Variants in EIF2B3 observed in about 807,000 individuals in gnomAD.
The protein encoded by EIF2B3 is eukaryotic translation initiation factor 2B subunit gamma, also known as translation initiation factor eIF2B subunit gamma.
EIF2B3 carries 20 observed loss-of-function variants against 54.1 expected under a neutral mutation model. That is an observed-to-expected ratio of 0.37 (90% CI 0.26 to 0.54). The LOEUF is 0.54. Ranked by LOEUF, EIF2B3 falls within the 20% of genes least tolerant of loss-of-function variation. The probability of loss-of-function intolerance (pLI) is 0.86; values close to 1 mark genes in which losing one functional copy is unlikely to be tolerated. For synonymous variants in EIF2B3, 153 were observed against 188.1 expected, an observed-to-expected ratio of 0.81 and a Z score of 1.52; for missense variants, 448 against 547.8, an observed-to-expected ratio of 0.82 and a Z score of 1.82.
At chr1:44,861,921 G>A (rs573503460) in intron 10 of EIF2B3, among the ~76,000 whole-genome samples, 2 of 152,254 alleles carry the variant, frequency 1.3e-5, no homozygotes, top group Admixed American at 1.3e-4. Context: ...CAATAGCAAG[G>A]CTGAGGTACT....
intron 5 of EIF2B3, among the ~76,000 whole-genome samples, chr1:44,906,340 G>C (rs115295661): frequency 0.015 from 2,270 of 152,296 alleles, 64 homozygotes; most frequent in African/African-American, 0.052. Context: ...TCACGGCAAA[G>C]GTTCAGTGAA....
At position 44,877,192 on chromosome 1, in the gene EIF2B3, T is replaced by TTAAAAAAAA. The variant is rs1553169362; in HGVS notation, c.976-1498_976-1497insTTTTTTTTA. ...GCGAGAAACACCCAAGAATGATCAATAAAAAAAAAAAAAAAAAAAAAAAAA... is the reference window on the plus strand; with the variant it reads ...GCGAGAAACACCCAAGAATGATCAATTAAAAAAAAAAAAAAAAAAAAAAAAAAAAAAAAA... On this transcript the variant is annotated intron_variant, in intron 8 of 11. Transcript: ENST00000360403. Among the ~76,000 whole-genome samples, 82 of 52,066 alleles carry TTAAAAAAAA rather than the reference T, an allele frequency of 1.6e-3. 5 individuals carry two copies. Among genetic ancestry groups the TTAAAAAAAA allele is most frequent in the Non-Finnish European group, 1.9e-3 (54 of 28,192 alleles). 34.2% of individuals were successfully genotyped at this position (52,066 alleles called of 152,430 possible).
chr1:44,936,490 C>T (rs1643948643), intron 4 of EIF2B3, among the ~76,000 whole-genome samples: 1 of 151,800 alleles, frequency 6.6e-6, no homozygotes, highest in African/African-American at 2.4e-5. Flanking sequence ...ACTCAGGAGG[C>T]TGAGGCAGGA....
intron 4 of EIF2B3, among the ~76,000 whole-genome samples, chr1:44,939,733 T>A (rs1643999753): frequency 6.6e-6 from 1 of 152,052 alleles, no homozygotes. Context: ...ATATATAAAG[T>A]GTATTAAAAA....
chr1:44,985,095 C>T (rs1329214950), intron 1 of EIF2B3, among the ~76,000 whole-genome samples: 5 of 152,032 alleles, frequency 3.3e-5, no homozygotes, highest in Non-Finnish European at 7.4e-5. Context: ...CGTGAGCCAC[C>T]GCGCCCGGCC....
At chr1:44,970,544 G>A (rs1484725323) in intron 3 of EIF2B3, among the ~76,000 whole-genome samples, 7 of 152,124 alleles carry the variant, frequency 4.6e-5, no homozygotes, top group African/African-American at 1.2e-4. Context: ...GTGGGCACAC[G>A]GGAAGAAAAA....
chr1:44,877,124 A>C (rs557374872), intron 8 of EIF2B3, among the ~76,000 whole-genome samples: 28 of 140,766 alleles, frequency 2.0e-4, no homozygotes, highest in East Asian at 9.2e-4. Flanking sequence ...ATCTGCTGAC[A>C]TTCCCTCCAC....
In EIF2B3 at chr1:44,897,374, C is replaced by T; in HGVS notation, c.637G>A (p.Asp213Asn). ...HLYCLKKYIV[D>N]FLMENGSITS... ...TCTTACCCATTTTCCATTAGGAAAT[C>T]CACGATGTATTTTTTCAAACAGTAG... The change falls in exon 6 of 12, where the codon GAT becomes AAT. Residue 213 changes from aspartate to asparagine, a missense_variant. Asp to Asn is a conservative substitution (Grantham distance 23). Around this residue, in one of 3 missense-constraint regions of EIF2B3, gnomAD observed 350 missense variants for 414.2 expected, o/e 0.85. Coordinates refer to ENST00000360403, the MANE Select transcript of EIF2B3 (RefSeq NM_020365.5). 7 of 1,613,612 alleles carry T rather than the reference C, an allele frequency of 4.3e-6. No individual in the cohort carries two copies. The highest frequency in any genetic ancestry group is 5.9e-6 in the Non-Finnish European group (7 of 1,179,762).
At chr1:44,960,717 G>C (rs1408273898) in intron 3 of EIF2B3, among the ~76,000 whole-genome samples, 1 of 152,034 alleles carries the variant, frequency 6.6e-6, no homozygotes, top group Non-Finnish European at 1.5e-5. Context: ...AAATAATTTA[G>C]AGGTGATTTA....
intron 10 of EIF2B3, 47 bp from the exon 11 acceptor site, chr1:44,857,854 C>T: frequency 6.4e-7 from 1 of 1,570,798 alleles, no homozygotes; most frequent in Non-Finnish European, 8.8e-7. Context: ...CTCGCATCAC[C>T]ATCCTCATTA....
intron 5 of EIF2B3, among the ~76,000 whole-genome samples, chr1:44,917,288 GT>G (rs1326416336): frequency 6.6e-6 from 1 of 152,134 alleles, no homozygotes; most frequent in Non-Finnish European, 1.5e-5. Flanking sequence ...GAGGTCAGGA[GT>G]TTGAGACCAG....
chr1:44,930,583 G>A (rs1643888207), intron 4 of EIF2B3, among the ~76,000 whole-genome samples: 1 of 152,210 alleles, frequency 6.6e-6, no homozygotes, highest in Admixed American at 6.5e-5. Flanking sequence ...CCCCTGGATG[G>A]TAAGAGACTA....
intron 10 of EIF2B3, among the ~76,000 whole-genome samples, chr1:44,870,244 CT>C (rs1442811761): frequency 6.6e-6 from 1 of 151,868 alleles, no homozygotes; most frequent in African/African-American, 2.4e-5. Flanking sequence ...GAGACAAAGA[CT>C]TTATCTCTGG....
At chr1:44,856,923 G>A (rs993330153) in intron 11 of EIF2B3, among the ~76,000 whole-genome samples, 1 of 152,146 alleles carries the variant, frequency 6.6e-6, no homozygotes, top group East Asian at 1.9e-4. Context: ...TCCTGCCTCA[G>A]CCTCTTGAGT....
At chr1:44,956,883 T>C (rs1201931944) in intron 3 of EIF2B3, among the ~76,000 whole-genome samples, 1 of 152,180 alleles carries the variant, frequency 6.6e-6, no homozygotes, top group Non-Finnish European at 1.5e-5. Flanking sequence ...AAAGTAGGTT[T>C]CTCTATAACC....
intron 3 of EIF2B3, among the ~76,000 whole-genome samples, chr1:44,960,513 C>A (rs979245726): frequency 5.3e-5 from 8 of 152,058 alleles, no homozygotes; most frequent in Non-Finnish European, 8.8e-5. Flanking sequence ...GTGGCGGGCG[C>A]CTGTAGTCCC....
In EIF2B3 at chr1:44,922,836, ATTTTTTTT is replaced by A. The variant is rs386366852; in HGVS notation, c.566+3784_566+3791del. Among the ~76,000 whole-genome samples the A allele has an allele frequency of 9.2e-4, 52 of 56,656 alleles. 2 individuals carry two copies. The highest frequency in any genetic ancestry group is 9.2e-4 in the South Asian group (1 of 1,086). 37.2% of individuals were successfully genotyped at this position (56,656 alleles called of 152,430 possible). On this transcript the variant is annotated intron_variant, in intron 5 of 11. Transcript: ENST00000360403. ...ATTACTTTCTTGATTTCTTTTTCAGATTTTTTTTTTTTTTTTTTTTTTTTTTTGAGACT... is the reference window on the plus strand; with the variant it reads ...ATTACTTTCTTGATTTCTTTTTCAGATTTTTTTTTTTTTTTTTTTGAGACT...
intron 4 of EIF2B3, among the ~76,000 whole-genome samples, chr1:44,939,433 A>G (rs1385391687): frequency 3.9e-5 from 6 of 152,350 alleles, no homozygotes; most frequent in Non-Finnish European, 7.3e-5. Context: ...GCTAATAGTT[A>G]CAGTTAATTT....
chr1:44,906,120 T>A (rs2148919475), intron 5 of EIF2B3, among the ~76,000 whole-genome samples: 1 of 152,322 alleles, frequency 6.6e-6, no homozygotes, highest in South Asian at 2.1e-4. Flanking sequence ...TGGGGAAAAC[T>A]GACACATTAA....
Sources: gnomAD v4.1 joint callset for allele counts (sites outside exome capture counted in the v4.1 genomes callset) on GRCh38, gnomAD v4.1.1 for gene constraint, gnomAD v4.1.1 regional missense constraint, MANE v1.5 for transcripts, NCBI Gene and HGNC (gene_info 2026-07-23, HGNC 2026-07-21) for gene names.